PDE4D: variants seen among roughly 807,000 people sequenced by gnomAD.
PDE4D encodes the protein phosphodiesterase 4D, also known as 3',5'-cyclic-AMP phosphodiesterase 4D.
Under a neutral mutation model 87.4 loss-of-function variants are expected in PDE4D, and 24 were observed. That is an observed-to-expected ratio of 0.27 (90% CI 0.20 to 0.39). The LOEUF (loss-of-function observed/expected upper bound fraction) is 0.39, where lower values mean the gene tolerates loss of function less well. Among genes scored for constraint, PDE4D ranks in the 10% least tolerant of loss-of-function variants. The probability of loss-of-function intolerance (pLI) is 1.00; values close to 1 mark genes in which losing one functional copy is unlikely to be tolerated. For missense variants in PDE4D, 714 were observed against 1,041.0 expected, an observed-to-expected ratio of 0.69 and a Z score of 4.32; for synonymous variants, 384 against 383.2, an observed-to-expected ratio of 1.00 and a Z score of -0.02.
chr5:59,050,817 A>G (rs1761438520), intron 5 of PDE4D, among the ~76,000 whole-genome samples: 1 of 152,256 alleles, frequency 6.6e-6, no homozygotes, highest in Admixed American at 6.5e-5. Context: ...CAGGGTTATT[A>G]TGAGAAATGC....
At chr5:59,510,938 C>T (rs542813449) in intron 1 of PDE4D, among the ~76,000 whole-genome samples, 6 of 151,700 alleles carry the variant, frequency 4.0e-5, no homozygotes, top group Non-Finnish European at 5.9e-5. Flanking sequence ...TACCGGTGAT[C>T]GTAAGATTTA....
chr5:59,981,557 A>G lies in PDE4D; in HGVS notation c.272+6931T>C, dbSNP rs80305469. 5.3e-3 allele frequency among the ~76,000 whole-genome samples: 814 copies of G among 152,276 alleles called. 7 individuals are homozygous for G. Among genetic ancestry groups the G allele is most frequent in the African/African-American group, 0.019 (775 of 41,566 alleles). On this transcript the variant is annotated intron_variant, in intron 3 of 16. Coordinates refer to the PDE4D transcript ENST00000502484. Reference sequence around the variant, plus strand: ...CTCAAGAATACTATATTTCTACAGAATGTTTCACAATCATGATTATGTGTT... The same window carrying G: ...CTCAAGAATACTATATTTCTACAGAGTGTTTCACAATCATGATTATGTGTT...
chr5:59,187,468 G>T (rs28540859), intron 3 of PDE4D, among the ~76,000 whole-genome samples: 36,922 of 151,838 alleles, frequency 0.24, 4,744 homozygotes, highest in African/African-American at 0.3. Flanking sequence ...GGACACTCAG[G>T]GGACATTAAA....
chr5:59,268,989 A>G (rs973691206), intron 1 of PDE4D, among the ~76,000 whole-genome samples: 3 of 152,054 alleles, frequency 2.0e-5, no homozygotes, highest in Admixed American at 6.6e-5. Context: ...AATTCACTAC[A>G]TGATTGGAAT....
At chr5:59,006,345 G>C (rs1167503302) in intron 6 of PDE4D, among the ~76,000 whole-genome samples, 1 of 152,206 alleles carries the variant, frequency 6.6e-6, no homozygotes, top group Non-Finnish European at 1.5e-5. Context: ...CGGGAGGATT[G>C]CTTGAGGCCA....
chr5:59,318,903 CAACG>C (rs1561947422), intron 1 of PDE4D, among the ~76,000 whole-genome samples: 1 of 151,886 alleles, frequency 6.6e-6, no homozygotes, highest in Non-Finnish European at 1.5e-5. Context: ...ATTTTATAAA[CAACG>C]ATTTGGAAAA....
At chr5:59,726,557 G>A (rs1756622287) in intron 1 of PDE4D, among the ~76,000 whole-genome samples, 1 of 151,968 alleles carries the variant, frequency 6.6e-6, no homozygotes, top group Admixed American at 6.6e-5. Context: ...TAAACATGCT[G>A]GCACCCTAAT....
chr5:59,208,625 A>AT (rs35530997), intron 2 of PDE4D, among the ~76,000 whole-genome samples: 186 of 152,082 alleles, frequency 1.2e-3, no homozygotes, highest in Non-Finnish European at 2.3e-3. Flanking sequence ...CATTTTTATG[A>AT]TTTTTTTGAA....
At chr5:59,290,898 T>C (rs930421558) in intron 1 of PDE4D, among the ~76,000 whole-genome samples, 1 of 152,066 alleles carries the variant, frequency 6.6e-6, no homozygotes, top group African/African-American at 2.4e-5. Context: ...TCACTCCAGC[T>C]AAAATGGCTT....
intron 1 of PDE4D, among the ~76,000 whole-genome samples, chr5:59,809,321 G>A (rs1028769886): frequency 2.0e-5 from 3 of 152,134 alleles, no homozygotes; most frequent in East Asian, 1.9e-4. Flanking sequence ...TAGACCCATC[G>A]AAAGTGAGAT....
At chr5:60,222,712 T>C (rs1227462532) in intron 1 of PDE4D, among the ~76,000 whole-genome samples, 1 of 152,152 alleles carries the variant, frequency 6.6e-6, no homozygotes. Context: ...GGTTTAAATT[T>C]ATATCTCTCT....
At chr5:60,420,613 T>C (rs1045086685) in intron 1 of PDE4D, among the ~76,000 whole-genome samples, 1 of 152,224 alleles carries the variant, frequency 6.6e-6, no homozygotes, top group South Asian at 2.1e-4. Flanking sequence ...AACTCCAGTC[T>C]GCACCTCCCA....
intron 3 of PDE4D, among the ~76,000 whole-genome samples, chr5:59,919,748 C>T (rs895573550): frequency 6.6e-6 from 1 of 150,490 alleles, no homozygotes. Context: ...ACAAAGTAGA[C>T]ACTGAATAAA....
chr5:59,348,450 CAT>C, intron 1 of PDE4D, among the ~76,000 whole-genome samples: 1 of 152,136 alleles, frequency 6.6e-6, no homozygotes, highest in South Asian at 2.1e-4. Context: ...TCCCCTCCCC[CAT>C]AGAGAGCTGG....
chr5:59,275,807 T>TAG, intron 1 of PDE4D: 2 of 986,066 alleles, frequency 2.0e-6, no homozygotes, highest in Non-Finnish European at 2.4e-6. Context: ...AGAGCGCAGG[T>TAG]AGAGAGAGAG....
chr5:59,356,027 G>A (rs968897825), intron 1 of PDE4D, among the ~76,000 whole-genome samples: 23 of 152,096 alleles, frequency 1.5e-4, no homozygotes, highest in Non-Finnish European at 2.9e-4. Context: ...CAGTGCTATA[G>A]ATTGTAATCA....
intron 5 of PDE4D, among the ~76,000 whole-genome samples, chr5:59,162,600 A>T (rs1781270000): frequency 6.6e-6 from 1 of 151,760 alleles, no homozygotes; most frequent in African/African-American, 2.4e-5. Flanking sequence ...GCACTTTGGG[A>T]GGCCAAGGCA....
intron 1 of PDE4D, among the ~76,000 whole-genome samples, chr5:59,880,068 T>C (rs764235137): frequency 1.3e-5 from 2 of 152,150 alleles, no homozygotes; most frequent in Non-Finnish European, 2.9e-5. Flanking sequence ...ACTCCCACTA[T>C]GTCCTCATTA....
chr5:60,434,144 A>G (rs890782421), intron 1 of PDE4D, among the ~76,000 whole-genome samples: 2 of 152,194 alleles, frequency 1.3e-5, no homozygotes, highest in Non-Finnish European at 2.9e-5. Flanking sequence ...CATTTAAGAG[A>G]TGACACTTGA....
Sources: gnomAD v4.1 joint callset for allele counts (sites outside exome capture counted in the v4.1 genomes callset) on GRCh38, gnomAD v4.1.1 for gene constraint, MANE v1.5 for transcripts, NCBI Gene and HGNC (gene_info 2026-07-23, HGNC 2026-07-21) for gene names.